The following LCA5 variants were observed in gnomAD, a reference collection of about 807,000 sequenced individuals.
The protein encoded by LCA5 is lebercilin LCA5, also known as lebercilin.
In LCA5, 37 loss-of-function variants were observed where a neutral mutation model predicts 53.0. That is an observed-to-expected ratio of 0.70 (90% CI 0.54 to 0.92). The LOEUF is 0.92. Ranked by LOEUF, LCA5 falls within the 40% of genes least tolerant of loss-of-function variation. LCA5 has a pLI of 0.00. For synonymous variants in LCA5, 303 were observed against 282.9 expected, an observed-to-expected ratio of 1.07 and a Z score of -0.71; for missense variants, 806 against 790.5, an observed-to-expected ratio of 1.02 and a Z score of -0.23.
chr6:79,523,366 A>G (rs1372869901), intron 1 of LCA5, among the ~76,000 whole-genome samples: 1 of 152,220 alleles, frequency 6.6e-6, no homozygotes, highest in African/African-American at 2.4e-5. Flanking sequence ...ACAGCAAGTA[A>G]GTGGCTCTAG....
rs766625031 is a variant in LCA5, at chr6:79,526,271, C to T, written c.-191-7186G>A. Among the ~76,000 whole-genome samples, 3 of 152,198 alleles carry T rather than the reference C, an allele frequency of 2.0e-5. No homozygotes were observed. In the East Asian group the frequency reaches 5.8e-4, roughly 29 times the overall value. Reference sequence around the variant, plus strand: ...TTAAAACAAATTTTACGGCTGGGCGCGGTGGCTCATGCCTGTAATCTCAGC... The same window carrying T: ...TTAAAACAAATTTTACGGCTGGGCGTGGTGGCTCATGCCTGTAATCTCAGC... On this transcript the variant is annotated intron_variant, in intron 1 of 7. Transcript: ENST00000369846.
At chr6:79,511,437 C>T (rs1476111296) in intron 3 of LCA5, among the ~76,000 whole-genome samples, 1 of 152,012 alleles carries the variant, frequency 6.6e-6, no homozygotes, top group East Asian at 1.9e-4. Context: ...AAATAATGAG[C>T]AAATTAGCTG....
At position 79,510,541 on chromosome 6, in the gene LCA5, T is replaced by TA. The variant is rs554992605; in HGVS notation, c.720+2670dup. Among the ~76,000 whole-genome samples the TA allele has an allele frequency of 8.5e-5, 13 of 152,244 alleles. No individual in the cohort carries two copies. In the South Asian group the frequency reaches 2.3e-3, roughly 27 times the overall value. On this transcript the variant is annotated intron_variant, in intron 3 of 7. Coordinates refer to ENST00000369846, the MANE Select transcript of LCA5 (RefSeq NM_001122769.3). ...AAGACAATAGGGATAGGTGACGTGT[T>TA]AGACTTGACACCAAAGCACAATCCA...
chr6:79,492,330 A>T (rs890680524), intron 5 of LCA5, among the ~76,000 whole-genome samples: 1 of 152,008 alleles, frequency 6.6e-6, no homozygotes, highest in Non-Finnish European at 1.5e-5. Context: ...AATTTCAAAA[A>T]GTTATGTAAA....
At chr6:79,535,444 G>A (rs1272962430) in intron 1 of LCA5, among the ~76,000 whole-genome samples, 3 of 152,106 alleles carry the variant, frequency 2.0e-5, no homozygotes, top group Non-Finnish European at 2.9e-5. Flanking sequence ...TACAGAGTAC[G>A]GAACTGATTC....
intron 3 of LCA5, among the ~76,000 whole-genome samples, chr6:79,512,697 A>G (rs1237690391): frequency 2.0e-5 from 3 of 152,114 alleles, no homozygotes; most frequent in Non-Finnish European, 4.4e-5. Context: ...CTCTCCATTC[A>G]GGAAAGAAAT....
upstream of LCA5, among the ~76,000 whole-genome samples, chr6:79,537,989 G>T (rs1305217683): frequency 7.4e-5 from 10 of 135,268 alleles, no homozygotes; most frequent in African/African-American, 2.8e-4. Flanking sequence ...GGTTTGGGGT[G>T]GAATGGCATC....
intron 1 of LCA5, among the ~76,000 whole-genome samples, chr6:79,533,958 G>A (rs999380357): frequency 6.6e-6 from 1 of 151,324 alleles, no homozygotes; most frequent in Non-Finnish European, 1.5e-5. Flanking sequence ...ACTTCAGTGA[G>A]AAAGATATAA....
At chr6:79,530,591 A>G (rs2127689794) in intron 1 of LCA5, among the ~76,000 whole-genome samples, 1 of 152,322 alleles carries the variant, frequency 6.6e-6, no homozygotes, top group Non-Finnish European at 1.5e-5. Context: ...CTATTTTGAA[A>G]TAAGGTGGGT....
upstream of LCA5, among the ~76,000 whole-genome samples, chr6:79,538,018 GTTT>G (rs869197362): frequency 1.2e-3 from 55 of 44,146 alleles, no homozygotes; most frequent in Admixed American, 3.0e-3. Flanking sequence ...TTGCACACAA[GTTT>G]TTTTTTTTTT....
rs547492668 is a variant in LCA5 at position 79,487,581 on chromosome 6, G to C, written c.1517C>G (p.Pro506Arg). Residue 506 changes from proline to arginine, a missense_variant, in exon 8 of 8, where the codon CCC becomes CGC. Transcript: ENST00000369846. ...GGATTCAGAGAACCTGTATGTTTTG[G>C]GGCTTCTCTCTGGGGAGTGTAGTTT... ...ESKLHSPERS[P>R]KTYRFSESSE... 3 of 1,613,928 alleles carry C rather than the reference G, an allele frequency of 1.9e-6. No homozygotes were observed. The highest frequency in any genetic ancestry group is 2.7e-5 in the African/African-American group (2 of 75,002).
In LCA5 at chr6:79,528,912, T is replaced by C. The variant is rs369694693; in HGVS notation, c.-192+8253A>G. ...TCAATCTTAACAATACTGCCCCAAA[T>C]GTAACCATCATGAAAACTTTACAAG... On this transcript the variant is annotated intron_variant, in intron 1 of 7. Transcript: ENST00000369846. Among the ~76,000 whole-genome samples the C allele has an allele frequency of 3.9e-5, 6 of 152,318 alleles. No individual in the cohort carries two copies. The South Asian group carries it at 1.0e-3, about 26-fold the overall frequency.
intron 1 of LCA5, among the ~76,000 whole-genome samples, chr6:79,534,074 T>C (rs953543482): frequency 2.0e-5 from 3 of 148,438 alleles, no homozygotes; most frequent in African/African-American, 7.3e-5. Context: ...ACACTGTAAC[T>C]GCTCCTCTTC....
At chr6:79,489,019 C>A (rs764469992) in intron 7 of LCA5, 65 bp downstream of exon 7, 1 of 1,562,752 alleles carries the variant, frequency 6.4e-7, no homozygotes, top group Non-Finnish European at 8.8e-7. Context: ...TATTAGAAGA[C>A]GCTCACTCTT....
intron 2 of LCA5, among the ~76,000 whole-genome samples, chr6:79,514,820 T>C (rs569988612): frequency 2.0e-5 from 3 of 152,008 alleles, no homozygotes; most frequent in East Asian, 1.9e-4. Flanking sequence ...TGAGAACACA[T>C]AGACATACAG....
At position 79,493,608 on chromosome 6, in the gene LCA5, C is replaced by G. The variant is rs200302979; in HGVS notation, c.858+5G>C. The G allele has an allele frequency of 2.0e-5, 33 of 1,610,850 alleles. No homozygotes were observed. In the Admixed American group the frequency reaches 2.7e-4, roughly 13 times the overall value. On this transcript the variant is annotated splice_donor_5th_base_variant and intron_variant, in intron 4 of 7. Transcript: ENST00000369846. ...ATGGAAAACAATGCAATTTAAAATA[C>G]TTACCTTTAATTTGTGATATAGTCG...
chr6:79,499,281 T>C (rs1330091578), intron 3 of LCA5, among the ~76,000 whole-genome samples: 1 of 151,652 alleles, frequency 6.6e-6, no homozygotes, highest in Non-Finnish European at 1.5e-5. Flanking sequence ...ATTAAAAATA[T>C]ATATACATGT....
intron 3 of LCA5, among the ~76,000 whole-genome samples, chr6:79,505,536 G>A (rs1770251779): frequency 6.6e-6 from 1 of 152,150 alleles, no homozygotes; most frequent in South Asian, 2.1e-4. Context: ...TCAGATTTCA[G>A]AACGGAATGT....
At chr6:79,509,285 C>T (rs938311361) in intron 3 of LCA5, among the ~76,000 whole-genome samples, 1 of 151,992 alleles carries the variant, frequency 6.6e-6, no homozygotes, top group African/African-American at 2.4e-5. Flanking sequence ...TGAATCCCGT[C>T]TCCACTGAAA....
Sources: gnomAD v4.1 joint callset for allele counts (sites outside exome capture counted in the v4.1 genomes callset) on GRCh38, gnomAD v4.1.1 for gene constraint, MANE v1.5 for transcripts, NCBI Gene and HGNC (gene_info 2026-07-23, HGNC 2026-07-21) for gene names.